The following TNS3 variants were observed in gnomAD, a reference collection of about 807,000 sequenced individuals.
The protein encoded by TNS3 is tensin-3.
A neutral mutation model predicts 140.9 loss-of-function variants in TNS3; 45 were observed. The observed-to-expected ratio is 0.32, with a 90% CI of 0.25 to 0.41. TNS3 has a LOEUF of 0.41. Among genes scored for constraint, TNS3 ranks in the 10% least tolerant of loss-of-function variants. TNS3 has a pLI of 1.00. For missense variants in TNS3, 1,716 were observed against 1,906.7 expected, an observed-to-expected ratio of 0.90 and a Z score of 1.86; for synonymous variants, 815 against 788.4, an observed-to-expected ratio of 1.03 and a Z score of -0.56.
At position 47,368,698 on chromosome 7, in the gene TNS3, C is replaced by T. The variant is rs756162316; in HGVS notation, c.1948G>A (p.Gly650Arg). The T allele has an allele frequency of 3.2e-6, 5 of 1,586,032 alleles. No individual in the cohort carries two copies. The East Asian group carries it at 1.1e-4, about 36-fold the overall frequency. Reference protein sequence around the residue: ...RVAVQRGVGSGPHPPDTQQPS... With the variant: ...RVAVQRGVGSRPHPPDTQQPS... ...TGCTGTGTGTCAGGGGGATGTGGCC[C>T]ACTGCCTACACCCCTCTGGACAGCC... is the stretch of plus-strand genomic sequence containing the variant. The change falls in exon 17 of 31, where the codon GGG (glycine) becomes AGG (arginine). Residue 650 changes from glycine to arginine, a missense_variant. By Grantham distance (125) the Gly-to-Arg change is moderately radical. This residue lies in a region of TNS3 where 1,163 missense variants were observed against 1,182.1 expected (regional missense o/e 0.98). Transcript: ENST00000311160.
At chr7:47,580,999 G>A (rs2152033566) in intron 1 of TNS3, among the ~76,000 whole-genome samples, 1 of 152,240 alleles carries the variant, frequency 6.6e-6, no homozygotes, top group South Asian at 2.1e-4. Flanking sequence ...GGCTTCCCAG[G>A]GGGTTGTGAC....
At chr7:47,582,265 C>T (rs542169763), upstream of TNS3, 54 of 351,822 alleles carry the variant, frequency 1.5e-4, 1 homozygote, top group South Asian at 1.1e-3. Context: ...TGCAGCGCGC[C>T]TCCAGGCGCC....
chr7:47,291,973 G>A lies in TNS3; in HGVS notation c.3910C>T (p.Leu1304=), dbSNP rs1373221002. The change falls in exon 27 of 31, where the codon CTG becomes TTG. Residue 1304 remains leucine (L), a synonymous_variant. Coordinates refer to ENST00000311160, the MANE Select transcript of TNS3 (RefSeq NM_022748.12). The stretch of plus-strand genomic sequence containing the variant: ...TACTGACCTGCCCCCTGCTTCAACA[G>A]CTCAGCTGCTGAATTGGCTGCCGTC... ...PQTAANSAAE[L]LKQGAACNVW... 2.5e-6 allele frequency: 4 copies of A among 1,614,018 alleles called. No homozygotes were observed. The African/African-American group carries it at 5.3e-5, about 22-fold the overall frequency.
chr7:47,300,531 G>C (rs191698539), intron 23 of TNS3, among the ~76,000 whole-genome samples: 194 of 152,328 alleles, frequency 1.3e-3, no homozygotes, highest in African/African-American at 4.3e-3. Context: ...CGGCAGGCTC[G>C]AACCTTGCTA....
intron 3 of TNS3, 125 bp downstream of exon 3, chr7:47,506,782 G>A (rs1077486): frequency 1.6e-6 from 1 of 624,978 alleles, no homozygotes. Flanking sequence ...CCGTACCCCA[G>A]CCCTGGCTTT....
rs976245148 is a variant in TNS3 at position 47,529,067 on chromosome 7, T to C, written c.-184A>G. ...ATGAAATACCTTGACCGTCAATAATTTGTTTGCAAACTCCACACACTTTGG... is the reference window on the plus strand; with the variant it reads ...ATGAAATACCTTGACCGTCAATAATCTGTTTGCAAACTCCACACACTTTGG... On this transcript the variant is annotated 5_prime_UTR_variant, in exon 2 of 31. Coordinates refer to ENST00000311160, the MANE Select transcript of TNS3 (RefSeq NM_022748.12). The C allele has an allele frequency of 1.6e-6, 2 of 1,288,890 alleles. No individual in the cohort carries two copies. The highest frequency in any genetic ancestry group is 1.0e-6 in the Non-Finnish European group (1 of 988,604). The allele number at this position is 1,288,890 out of a possible 1,614,324, so 79.8% of individuals were successfully genotyped here. A position where few individuals can be genotyped will look rare whatever the true frequency, so the allele number is the denominator to read the frequency against.
intron 3 of TNS3, among the ~76,000 whole-genome samples, chr7:47,484,548 G>A (rs1584754348): frequency 6.6e-6 from 1 of 152,160 alleles, no homozygotes; most frequent in East Asian, 1.9e-4. Context: ...GGAACCTATG[G>A]GGACTGTGCG....
At chr7:47,442,556 G>A (rs1398366903) in intron 4 of TNS3, among the ~76,000 whole-genome samples, 1 of 152,202 alleles carries the variant, frequency 6.6e-6, no homozygotes, top group Non-Finnish European at 1.5e-5. Context: ...GTGTGTAAGG[G>A]TTGTTATATA....
At position 47,294,462 on chromosome 7, in the gene TNS3, A is replaced by G. The variant is rs548564108; in HGVS notation, c.3677-634T>C. Among the ~76,000 whole-genome samples, 172 of 152,352 alleles carry G rather than the reference A, an allele frequency of 1.1e-3. 1 individual carries two copies. The highest frequency in any genetic ancestry group is 3.4e-3 in the Middle Eastern group (1 of 294). Reference sequence around the variant, plus strand: ...GAATGGCAAAACTATCTGAGAGTGGAAAAGTACAAACAGCACAACCAAAAG... The same window carrying G: ...GAATGGCAAAACTATCTGAGAGTGGGAAAGTACAAACAGCACAACCAAAAG... On this transcript the variant is annotated intron_variant, in intron 24 of 30. Coordinates refer to ENST00000311160, the MANE Select transcript of TNS3 (RefSeq NM_022748.12).
At chr7:47,312,005 AAGCC>A (rs930860805) in intron 20 of TNS3, among the ~76,000 whole-genome samples, 16 of 152,318 alleles carry the variant, frequency 1.1e-4, no homozygotes, top group African/African-American at 3.8e-4. Flanking sequence ...CATTATAGAA[AAGCC>A]CAGTACTAAT....
At chr7:47,511,604 C>T (rs1407424232) in intron 2 of TNS3, among the ~76,000 whole-genome samples, 1 of 151,794 alleles carries the variant, frequency 6.6e-6, no homozygotes, top group Non-Finnish European at 1.5e-5. Flanking sequence ...CCGAGACCCG[C>T]AGCGCGAGGG....
At chr7:47,318,050 T>C (rs975806151) in intron 20 of TNS3, among the ~76,000 whole-genome samples, 2 of 152,212 alleles carry the variant, frequency 1.3e-5, no homozygotes, top group African/African-American at 4.8e-5. Flanking sequence ...CAGAACTTTA[T>C]AATCTTACAA....
At chr7:47,556,126 C>A (rs181652163) in intron 1 of TNS3, among the ~76,000 whole-genome samples, 3 of 152,320 alleles carry the variant, frequency 2.0e-5, no homozygotes, top group Admixed American at 1.3e-4. Context: ...CGGAGGCAAC[C>A]AGTTGGAGTT....
At chr7:47,449,879 T>C (rs1795934473) in intron 4 of TNS3, among the ~76,000 whole-genome samples, 2 of 152,218 alleles carry the variant, frequency 1.3e-5, no homozygotes, top group South Asian at 4.1e-4. Context: ...GTGTTAGGAT[T>C]ACAGGCGTGA....
At chr7:47,576,238 C>T (rs1337069918) in intron 1 of TNS3, among the ~76,000 whole-genome samples, 2 of 152,156 alleles carry the variant, frequency 1.3e-5, no homozygotes, top group Non-Finnish European at 2.9e-5. Context: ...GCCCCTGGGG[C>T]CATGGAAATT....
At chr7:47,554,335 T>C (rs914152330) in intron 1 of TNS3, among the ~76,000 whole-genome samples, 12 of 151,396 alleles carry the variant, frequency 7.9e-5, no homozygotes, top group African/African-American at 2.4e-4. Context: ...GGAGAATTAC[T>C]TGAACCCAGG....
chr7:47,557,723 AC>A (rs1488651890), intron 1 of TNS3, among the ~76,000 whole-genome samples: 1 of 152,224 alleles, frequency 6.6e-6, no homozygotes, highest in Non-Finnish European at 1.5e-5. Flanking sequence ...GGACATTTTA[AC>A]CATCACCACC....
At chr7:47,339,267 AAC>A (rs1788807502) in intron 20 of TNS3, among the ~76,000 whole-genome samples, 1 of 152,180 alleles carries the variant, frequency 6.6e-6, no homozygotes, top group Admixed American at 6.5e-5. Context: ...CTAACCTCAT[AAC>A]TCTTTGCCTA....
At chr7:47,351,703 G>A (rs775361017) in intron 17 of TNS3, among the ~76,000 whole-genome samples, 9 of 152,252 alleles carry the variant, frequency 5.9e-5, no homozygotes, top group South Asian at 2.1e-4. Flanking sequence ...GCCAGGCCAC[G>A]GCACCTATGT....
Sources: allele counts gnomAD v4.1 joint callset (sites outside exome capture counted in the v4.1 genomes callset), GRCh38; gene constraint gnomAD v4.1.1; regional missense constraint gnomAD v4.1.1; transcripts MANE v1.5; gene names NCBI Gene and HGNC (gene_info 2026-07-23, HGNC 2026-07-21).